The following CTNNA3 variants were observed in gnomAD, a reference collection of about 807,000 sequenced individuals.
The protein encoded by CTNNA3 is catenin alpha-3.
A neutral mutation model predicts 95.7 loss-of-function variants in CTNNA3; 76 were observed. The ratio of observed to expected loss-of-function variants is 0.79; its 90% CI spans 0.66 to 0.96. The LOEUF (loss-of-function observed/expected upper bound fraction) is 0.96. CTNNA3 is among the 40% of genes least tolerant of loss of function. CTNNA3 has a pLI of 0.00. For missense variants in CTNNA3, 1,191 were observed against 1,089.8 expected (o/e 1.09, Z -1.31); for synonymous variants, 431 against 374.4 (o/e 1.15, Z -1.74).
intron 5 of CTNNA3, among the ~76,000 whole-genome samples, chr10:67,362,695 C>G (rs927699471): frequency 6.6e-6 from 1 of 151,100 alleles, no homozygotes; most frequent in Non-Finnish European, 1.5e-5. Flanking sequence ...AGAACTGGAA[C>G]AAGAAAAAGA....
intron 9 of CTNNA3, among the ~76,000 whole-genome samples, chr10:66,647,143 G>C (rs752369205): frequency 6.6e-6 from 1 of 152,186 alleles, no homozygotes; most frequent in Non-Finnish European, 1.5e-5. Context: ...GCTCAATCAT[G>C]TTTGGTAAAA....
intron 5 of CTNNA3, among the ~76,000 whole-genome samples, chr10:67,356,981 T>C (rs1842834277): frequency 6.6e-6 from 1 of 152,168 alleles, no homozygotes; most frequent in Non-Finnish European, 1.5e-5. Flanking sequence ...CTTTTATGCA[T>C]TTCTGCAGTC....
Position 66,708,207 on chromosome 10 carries a change from T to A in CTNNA3, c.1281+58057A>T, listed in dbSNP as rs59142748. Among the ~76,000 whole-genome samples, 1,368 of 151,838 alleles carry A rather than the reference T, an allele frequency of 9.0e-3. 24 individuals are homozygous for A. Among genetic ancestry groups the A allele is most frequent in the African/African-American group, 0.03 (1,259 of 41,422 alleles). On this transcript the variant is annotated intron_variant, in intron 9 of 17. Transcript: ENST00000433211. ...GATGTGACTATCATACAGAGCTTTT[T>A]TGGCTTGCCAATGCTGCCAAAAAAA...
intron 9 of CTNNA3, among the ~76,000 whole-genome samples, chr10:66,656,533 A>C (rs1380543704): frequency 6.6e-6 from 1 of 152,090 alleles, no homozygotes; most frequent in Non-Finnish European, 1.5e-5. Flanking sequence ...CATAGGTGAG[A>C]GAGGACTTGC....
chr10:65,976,913 C>G (rs191413110), intron 16 of CTNNA3, among the ~76,000 whole-genome samples: 2 of 151,976 alleles, frequency 1.3e-5, no homozygotes, highest in African/African-American at 4.8e-5. Context: ...TTCTTTCAAA[C>G]CATAGGTTGT....
chr10:66,468,894 C>A (rs181964174), intron 11 of CTNNA3, among the ~76,000 whole-genome samples: 1 of 151,864 alleles, frequency 6.6e-6, no homozygotes. Context: ...AAATCTACCA[C>A]AATTTAATCT....
intron 9 of CTNNA3, among the ~76,000 whole-genome samples, chr10:66,713,238 T>A (rs745757310): frequency 6.6e-6 from 1 of 152,160 alleles, no homozygotes; most frequent in Non-Finnish European, 1.5e-5. Flanking sequence ...CATTTCTTCC[T>A]CTGGCAATAT....
intron 5 of CTNNA3, among the ~76,000 whole-genome samples, chr10:67,487,855 C>T (rs77374022): frequency 0.021 from 3,212 of 152,262 alleles, 102 homozygotes; most frequent in African/African-American, 0.068. Context: ...CTAGGTACCA[C>T]AGGATGTCTA....
chr10:66,382,605 C>T (rs1432046784), intron 11 of CTNNA3, among the ~76,000 whole-genome samples: 2 of 152,282 alleles, frequency 1.3e-5, no homozygotes, highest in East Asian at 3.9e-4. Flanking sequence ...GGTGGTTGAG[C>T]TCTGAGAATG....
At chr10:67,069,143 G>C (rs1397101036) in intron 7 of CTNNA3, among the ~76,000 whole-genome samples, 1 of 151,996 alleles carries the variant, frequency 6.6e-6, no homozygotes, top group Non-Finnish European at 1.5e-5. Flanking sequence ...GAGGAAATGG[G>C]AGGTAAACTG....
At chr10:66,524,347 T>C (rs1047199723) in intron 10 of CTNNA3, among the ~76,000 whole-genome samples, 3 of 152,156 alleles carry the variant, frequency 2.0e-5, no homozygotes, top group Non-Finnish European at 2.9e-5. Context: ...TTACCATAAA[T>C]GCTATACTTA....
At chr10:66,597,504 T>G (rs1843748723) in intron 10 of CTNNA3, among the ~76,000 whole-genome samples, 1 of 113,076 alleles carries the variant, frequency 8.8e-6, no homozygotes. Flanking sequence ...TGGCATTTTA[T>G]TTCATACATA....
rs755758752 is a variant in CTNNA3, at chr10:66,775,524, C to G, written c.1048G>C (p.Ala350Pro). Residue 350 changes from alanine (A) to proline (P), a missense_variant and splice_region_variant, in exon 8 of 18, where the codon GCT becomes CCT. By Grantham distance (27) the Ala-to-Pro change is conservative. Coordinates refer to ENST00000433211, the MANE Select transcript of CTNNA3 (RefSeq NM_013266.4). Reference protein sequence around the residue: ...QDLLSEYMNNAGKKERSNTLN... With the variant: ...QDLLSEYMNNPGKKERSNTLN... ...GTATTACTCCTTTCTTTTTTTCCAG[C>G]CTGCAAAGAAGAAAAAACGACATAA... 1.9e-6 allele frequency: 3 copies of G among 1,602,970 alleles called. No homozygotes were observed. The highest frequency in any genetic ancestry group is 2.2e-5 in the East Asian group (1 of 44,562).
chr10:67,733,804 T>G (rs528175928), intron 1 of CTNNA3, among the ~76,000 whole-genome samples: 2 of 152,300 alleles, frequency 1.3e-5, no homozygotes, highest in East Asian at 3.9e-4. Context: ...TGTAAGGGTA[T>G]ATTCTGGGCA....
At chr10:67,176,616 A>G (rs1214897690) in intron 7 of CTNNA3, among the ~76,000 whole-genome samples, 2 of 152,212 alleles carry the variant, frequency 1.3e-5, no homozygotes, top group African/African-American at 4.8e-5. Flanking sequence ...GAACCTATGA[A>G]TATGTTACCT....
chr10:66,197,365 T>C (rs1050897315), intron 13 of CTNNA3, among the ~76,000 whole-genome samples: 6 of 151,946 alleles, frequency 3.9e-5, no homozygotes, highest in African/African-American at 1.5e-4. Flanking sequence ...TATCTATCTA[T>C]CTATCTATCT....
chr10:66,161,090 C>T (rs1054367213), intron 13 of CTNNA3, among the ~76,000 whole-genome samples: 1 of 152,160 alleles, frequency 6.6e-6, no homozygotes, highest in African/African-American at 2.4e-5. Context: ...TAAGGTGAGT[C>T]TCCTGAAGGC....
chr10:67,186,975 G>T (rs78120051), intron 6 of CTNNA3, among the ~76,000 whole-genome samples: 2 of 152,008 alleles, frequency 1.3e-5, no homozygotes, highest in Admixed American at 6.6e-5. Flanking sequence ...GAATCCTGGC[G>T]CATAGCTATA....
At chr10:66,653,534 C>A (rs1371442048) in intron 9 of CTNNA3, among the ~76,000 whole-genome samples, 1 of 151,966 alleles carries the variant, frequency 6.6e-6, no homozygotes, top group Admixed American at 6.6e-5. Context: ...TTATTCCAAG[C>A]AATCTACATA....
Sources: allele counts gnomAD v4.1 joint callset (sites outside exome capture counted in the v4.1 genomes callset), GRCh38; gene constraint gnomAD v4.1.1; transcripts MANE v1.5; gene names NCBI Gene and HGNC (gene_info 2026-07-23, HGNC 2026-07-21).